The following COP1 variants were observed in gnomAD, a reference collection of about 807,000 sequenced individuals.
The protein encoded by COP1 is E3 ubiquitin-protein ligase COP1.
Under a neutral mutation model 101.3 loss-of-function variants are expected in COP1, and 24 were observed. The ratio of observed to expected loss-of-function variants is 0.24; its 90% confidence interval spans 0.17 to 0.33. The LOEUF (loss-of-function observed/expected upper bound fraction) is 0.33, where lower values mean the gene tolerates loss of function less well. Ranked by LOEUF, COP1 falls within the 10% of genes least tolerant of loss-of-function variation. COP1 has a pLI of 1.00. For missense variants in COP1, 663 were observed against 906.2 expected, an observed-to-expected ratio of 0.73 and a Z score of 3.45; for synonymous variants, 347 against 341.9, an observed-to-expected ratio of 1.01 and a Z score of -0.17.
intron 1 of COP1, among the ~76,000 whole-genome samples, chr1:176,187,699 T>C (rs1406756745): frequency 6.6e-6 from 1 of 152,160 alleles, no homozygotes; most frequent in African/African-American, 2.4e-5. Flanking sequence ...AGGGATGACA[T>C]TTATATCATA....
At chr1:176,015,520 G>A (rs1357348509) in intron 15 of COP1, among the ~76,000 whole-genome samples, 1 of 152,098 alleles carries the variant, frequency 6.6e-6, no homozygotes, top group South Asian at 2.1e-4. Context: ...ACTTGATAAG[G>A]AAGACATACA....
chr1:176,023,201 C>G (rs1208124367), intron 15 of COP1, among the ~76,000 whole-genome samples: 2 of 152,162 alleles, frequency 1.3e-5, no homozygotes, highest in Non-Finnish European at 2.9e-5. Flanking sequence ...TTCTACAGAC[C>G]TTCCAACAAT....
At chr1:176,194,343 A>T (rs909214396) in intron 1 of COP1, among the ~76,000 whole-genome samples, 2 of 152,206 alleles carry the variant, frequency 1.3e-5, no homozygotes, top group African/African-American at 4.8e-5. Context: ...TAATCCAACT[A>T]AAAGGCAGAC....
chr1:176,116,814 T>A (rs975030555), intron 8 of COP1, 133 bp from the exon 9 acceptor site: 2 of 647,214 alleles, frequency 3.1e-6, no homozygotes, highest in Admixed American at 6.0e-5. Flanking sequence ...TTATTGCCAA[T>A]CATTAGACAT....
At chr1:176,190,893 A>C (rs1251467905) in intron 1 of COP1, among the ~76,000 whole-genome samples, 1 of 152,038 alleles carries the variant, frequency 6.6e-6, no homozygotes, top group Non-Finnish European at 1.5e-5. Context: ...AACTAAAAAA[A>C]AAATCAATCT....
At chr1:175,984,859 T>C (rs1656733906) in intron 18 of COP1, among the ~76,000 whole-genome samples, 1 of 152,206 alleles carries the variant, frequency 6.6e-6, no homozygotes, top group Non-Finnish European at 1.5e-5. Flanking sequence ...GCCTGTAGTT[T>C]TGTTTTGGCC....
intron 14 of COP1, among the ~76,000 whole-genome samples, chr1:176,030,162 C>T (rs1668420525): frequency 6.6e-6 from 1 of 152,044 alleles, no homozygotes; most frequent in Admixed American, 6.6e-5. Context: ...TTTTAAATAG[C>T]AATATTTGAT....
At chr1:176,014,711 G>C (rs1408714317) in intron 15 of COP1, among the ~76,000 whole-genome samples, 1 of 151,720 alleles carries the variant, frequency 6.6e-6, no homozygotes, top group Non-Finnish European at 1.5e-5. Flanking sequence ...GAAAACTTTT[G>C]CAAAAAAATT....
At chr1:176,155,722 T>C (rs888381775) in intron 5 of COP1, among the ~76,000 whole-genome samples, 5 of 152,066 alleles carry the variant, frequency 3.3e-5, no homozygotes, top group Non-Finnish European at 5.9e-5. Flanking sequence ...CATAGTCAAA[T>C]TGCTGAAAAC....
At chr1:176,113,864 T>G (rs2149580765) in intron 9 of COP1, among the ~76,000 whole-genome samples, 1 of 152,050 alleles carries the variant, frequency 6.6e-6, no homozygotes, top group South Asian at 2.1e-4. Flanking sequence ...ATAAATCTTA[T>G]CTAGGAGCAC....
At chr1:176,197,926 A>T (rs1572809782) in intron 1 of COP1, among the ~76,000 whole-genome samples, 1 of 152,190 alleles carries the variant, frequency 6.6e-6, no homozygotes, top group Non-Finnish European at 1.5e-5. Context: ...AAAACATAAA[A>T]TACTTAGGGG....
At chr1:176,078,113 C>T (rs781604574) in intron 11 of COP1, among the ~76,000 whole-genome samples, 12 of 152,032 alleles carry the variant, frequency 7.9e-5, no homozygotes, top group Non-Finnish European at 1.3e-4. Context: ...AAAATACCAA[C>T]GTCATTTTTC....
chr1:176,127,133 A>G (rs888631775), intron 8 of COP1, among the ~76,000 whole-genome samples: 2 of 152,162 alleles, frequency 1.3e-5, no homozygotes, highest in African/African-American at 4.8e-5. Flanking sequence ...GAGGTATAAA[A>G]TATTTTGATC....
At chr1:175,958,781 G>A (rs1650986682) in intron 18 of COP1, among the ~76,000 whole-genome samples, 1 of 151,800 alleles carries the variant, frequency 6.6e-6, no homozygotes, top group South Asian at 2.1e-4. Context: ...TAATCAAGAA[G>A]AAATAGAAAG....
chr1:176,082,582 G>A (rs556162274), intron 10 of COP1, among the ~76,000 whole-genome samples: 4 of 152,028 alleles, frequency 2.6e-5, no homozygotes, highest in South Asian at 2.1e-4. Context: ...CGAGGCAGGC[G>A]GATCACCTGA....
intron 9 of COP1, among the ~76,000 whole-genome samples, chr1:176,105,584 T>C (rs1684169414): frequency 6.6e-6 from 1 of 152,168 alleles, no homozygotes; most frequent in African/African-American, 2.4e-5. Context: ...ATTATAAATA[T>C]AGAAAGGACA....
chr1:175,961,056 C>T (rs1465027079), intron 18 of COP1, among the ~76,000 whole-genome samples: 3 of 152,172 alleles, frequency 2.0e-5, no homozygotes, highest in Non-Finnish European at 2.9e-5. Flanking sequence ...TGGCCTTGGC[C>T]ATCAGAAGTC....
chr1:175,988,179 C>T (rs1657569689), intron 17 of COP1, 109 bp downstream of exon 17: 11 of 1,026,872 alleles, frequency 1.1e-5, no homozygotes, highest in Non-Finnish European at 1.6e-5. Context: ...ATACTATCTT[C>T]TGAGTGCACA....
At chr1:176,000,491 T>G (rs1460289349) in intron 15 of COP1, among the ~76,000 whole-genome samples, 1 of 152,212 alleles carries the variant, frequency 6.6e-6, no homozygotes, top group East Asian at 1.9e-4. Flanking sequence ...ATGTCTGCAC[T>G]ATGAAGTTAT....
Sources: allele counts gnomAD v4.1 joint callset (sites outside exome capture counted in the v4.1 genomes callset), GRCh38; gene constraint gnomAD v4.1.1; transcripts MANE v1.5; gene names NCBI Gene and HGNC (gene_info 2026-07-23, HGNC 2026-07-21).